Variants in COQ7 observed in about 807,000 individuals in gnomAD.
COQ7 encodes the protein NADPH-dependent 3-demethoxyubiquinone 3-hydroxylase, mitochondrial.
In COQ7, 21 loss-of-function variants were observed where a neutral mutation model predicts 25.0. That is an observed-to-expected ratio of 0.84 (90% CI 0.60 to 1.21). The LOEUF (loss-of-function observed/expected upper bound fraction) is 1.21, where lower values mean the gene tolerates loss of function less well. Among genes scored for constraint, COQ7 ranks in the 50% most tolerant of loss-of-function variants. The pLI is 0.00. For missense variants in COQ7, 311 were observed against 296.2 expected, an observed-to-expected ratio of 1.05 and a Z score of -0.37; for synonymous variants, 125 against 112.4, an observed-to-expected ratio of 1.11 and a Z score of -0.71.
At chr16:19,067,939 CAG>C (rs1316739339) in intron 1 of COQ7, 31 of 1,453,394 alleles carry the variant, frequency 2.1e-5, no homozygotes, top group South Asian at 4.3e-5. Flanking sequence ...GACAGGAGGA[CAG>C]GGGTTGTTTC....
chr16:19,068,626 T>C (rs984728803), intron 1 of COQ7: 39 of 247,842 alleles, frequency 1.6e-4, no homozygotes, highest in Middle Eastern at 3.3e-3. Flanking sequence ...CACTGCAACC[T>C]GGGCGTCAGA....
rs566709197 is a variant in COQ7, at chr16:19,071,797, C to T, written c.74-131C>T. On this transcript the variant is annotated intron_variant, in intron 1 of 5. Coordinates refer to ENST00000321998, the MANE Select transcript of COQ7 (RefSeq NM_016138.5). ...TTAACACTGTAGGTTAAACAGAGTC[C>T]GTTTATGGGCACGCCTGGCCCATGG... The T allele has an allele frequency of 4.6e-5, 42 of 905,484 alleles. No homozygotes were observed. The East Asian group carries it at 7.6e-4, about 16-fold the overall frequency. The allele number at this position is 905,484 out of a possible 1,614,324, so 56.1% of individuals were successfully genotyped here.
rs1167129121 is a variant in COQ7, at chr16:19,067,710, C to T, written c.46C>T (p.Arg16Cys). 2 of 1,606,902 alleles carry T rather than the reference C, an allele frequency of 1.2e-6. No individual in the cohort carries two copies. The highest frequency in any genetic ancestry group is 1.1e-5 in the South Asian group (1 of 90,900). ...GGCGGCTCCCCGCCTTTGGCGGCTG[C>T]GCCCGGGGGCCCGGCGGTCCCTCTC... ...AAAAPRLWRLRPGARRSLSAY... is the reference protein window; with the variant it reads ...AAAAPRLWRLCPGARRSLSAY... The change falls in exon 1 of 6, where the codon CGC (arginine) becomes TGC (cysteine). Residue 16 changes from arginine to cysteine, a missense_variant. Arg to Cys is a radical substitution (Grantham distance 180). Coordinates refer to ENST00000321998, the MANE Select transcript of COQ7 (RefSeq NM_016138.5).
At chr16:19,080,252 ACATTTGACTCTGT>A (rs1438338506), downstream of COQ7, among the ~76,000 whole-genome samples, 3 of 152,218 alleles carry the variant, frequency 2.0e-5, no homozygotes, top group Non-Finnish European at 4.4e-5. Context: ...TGCAAGGATG[ACATTTGACTCTGT>A]CTTGAACAAG....
At chr16:19,068,657 C>T (rs1210778584) in intron 1 of COQ7, 10 of 167,690 alleles carry the variant, frequency 6.0e-5, no homozygotes, top group South Asian at 3.7e-5. Flanking sequence ...GTCTCCCCCG[C>T]GCAAAAAAAA....
At chr16:19,074,661 AG>A (rs1962741590) in intron 3 of COQ7, among the ~76,000 whole-genome samples, 1 of 152,146 alleles carries the variant, frequency 6.6e-6, no homozygotes, top group Non-Finnish European at 1.5e-5. Flanking sequence ...CTCCCACCTA[AG>A]CCTCTGAGCC....
rs376500045 is a variant in COQ7 at position 19,079,144 on chromosome 16, G to A, written c.*986G>A. On this transcript the variant is annotated 3_prime_UTR_variant, in exon 6 of 6. Coordinates refer to ENST00000321998, the MANE Select transcript of COQ7 (RefSeq NM_016138.5). ...TCTCCACAGTGTGAGACTTCAAGGG[G>A]AAGTATGAGACTTCTCTGAGGAAGC... The A allele has an allele frequency of 5.3e-5, 8 of 152,196 alleles. No individual in the cohort carries two copies. In the East Asian group the frequency reaches 1.2e-3, roughly 22 times the overall value. 9.4% of individuals were successfully genotyped at this position (152,196 alleles called of 1,614,324 possible).
At chr16:19,076,656 C>G (rs916564763) in intron 4 of COQ7, among the ~76,000 whole-genome samples, 4 of 136,440 alleles carry the variant, frequency 2.9e-5, no homozygotes, top group Non-Finnish European at 4.5e-5. Flanking sequence ...GTGCAGTGGT[C>G]TCCGCCTGCA....
At chr16:19,070,710 C>T (rs868398021) in intron 1 of COQ7, among the ~76,000 whole-genome samples, 2 of 151,822 alleles carry the variant, frequency 1.3e-5, no homozygotes, top group Non-Finnish European at 2.9e-5. Context: ...AAGATCGCAC[C>T]TCTGTCTCCA....
At position 19,067,679 on chromosome 16, in the gene COQ7, G is replaced by A; in HGVS notation, c.15G>A (p.Gly5=). MSCA[G]AAAAPRLWRL... ...TAGTTCCGGCAATGAGTTGCGCCGG[G>A]GCGGCGGCGGCTCCCCGCCTTTGGC... Residue 5 remains glycine, a synonymous_variant, in exon 1 of 6, where the codon GGG becomes GGA. Coordinates refer to ENST00000321998, the MANE Select transcript of COQ7 (RefSeq NM_016138.5). 1 of 1,608,718 alleles carries A rather than the reference G, an allele frequency of 6.2e-7. No individual in the cohort carries two copies. Among genetic ancestry groups the A allele is most frequent in the African/African-American group, 1.4e-5 (1 of 73,000 alleles).
At position 19,077,309 on chromosome 16, in the gene COQ7, A is replaced by G; in HGVS notation, c.511A>G (p.Ile171Val). ...PEKYEELLQL[I>V]KKFRDEELEH... ...TGGTGTCTTTTTATTTAACCAGCTG[A>G]TAAAGAAATTTCGGGATGAAGAGCT... The change falls in exon 5 of 6, where the codon ATA becomes GTA. Residue 171 changes from isoleucine (I) to valine (V), a missense_variant. Coordinates refer to ENST00000321998, the MANE Select transcript of COQ7 (RefSeq NM_016138.5). The G allele has an allele frequency of 1.2e-6, 2 of 1,614,052 alleles. No individual in the cohort carries two copies. Among genetic ancestry groups the G allele is most frequent in the South Asian group, 2.2e-5 (2 of 91,086 alleles).
At chr16:19,067,860 C>T in intron 1 of COQ7, 123 bp downstream of exon 1, 1 of 1,500,028 alleles carries the variant, frequency 6.7e-7, no homozygotes. Flanking sequence ...TGCGACGGAG[C>T]GCGACTGCGT....
At chr16:19,074,611 G>A (rs1015954107) in intron 3 of COQ7, among the ~76,000 whole-genome samples, 14 of 151,870 alleles carry the variant, frequency 9.2e-5, no homozygotes, top group Admixed American at 8.5e-4. Context: ...TGGTATAGTC[G>A]TAGCTCACTG....
At position 19,074,001 on chromosome 16, in the gene COQ7, G is replaced by A. The variant is rs1596827658; in HGVS notation, c.333G>A (p.Leu111=). 6.2e-7 allele frequency: 1 copy of A among 1,613,678 alleles called. No homozygotes were observed. The highest frequency in any genetic ancestry group is 8.5e-7 in the Non-Finnish European group (1 of 1,179,898). ...MVTFRVRPTV[L]MPLWNVLGFA... is the part of the protein sequence containing the mutation. ...CGTTCAGGGTCCGGCCAACAGTTCT[G>A]ATGCCCTTGTGGAACGTGCTGGGGT... The change falls in exon 3 of 6, where the codon CTG becomes CTA. Residue 111 remains leucine (L), a synonymous_variant. Transcript: ENST00000321998.
intron 5 of COQ7, among the ~76,000 whole-genome samples, chr16:19,077,604 T>TTTTTTTTTTTTTTTTTTTTC (rs1555522742): frequency 2.8e-5 from 4 of 143,614 alleles, no homozygotes; most frequent in South Asian, 2.3e-4. Flanking sequence ...TTTTTTTTTT[T>TTTTTTTTTTTTTTTTTTTTC]CCCAGACACA....
rs369844072 is a variant in COQ7 at position 19,073,983 on chromosome 16, G to T, written c.315G>T (p.Arg105Ser). Residue 105 changes from arginine to serine, a missense_variant, in exon 3 of 6, where the codon AGG becomes AGT. Physicochemically the swap from Arg to Ser is moderately radical, Grantham distance 110 (BLOSUM62 -1). Transcript: ENST00000321998. ...TCAATGAGTTGATGGTTACGTTCAG[G>T]GTCCGGCCAACAGTTCTGATGCCCT... The part of the protein sequence containing the change: ...KKFNELMVTF[R>S]VRPTVLMPLW... 1 of 1,613,772 alleles carries T rather than the reference G, an allele frequency of 6.2e-7. No individual in the cohort carries two copies. Among genetic ancestry groups the T allele is most frequent in the Non-Finnish European group, 8.5e-7 (1 of 1,179,970 alleles).
chr16:19,077,403 T>C (rs767029640), intron 5 of COQ7, 29 bp downstream of exon 5: 1 of 1,594,322 alleles, frequency 6.3e-7, no homozygotes, highest in Non-Finnish European at 8.6e-7. Flanking sequence ...CTGTTCTGCT[T>C]TGGGACTCCT....
At chr16:19,075,687 T>G (rs747442196) in intron 3 of COQ7, 34 bp from the exon 4 acceptor site, 1 of 1,535,364 alleles carries the variant, frequency 6.5e-7, no homozygotes, top group East Asian at 2.3e-5. Flanking sequence ...CATATCTGTC[T>G]CTTACTTTTC....
At chr16:19,077,785 G>C (rs1962936941) in intron 5 of COQ7, among the ~76,000 whole-genome samples, 1 of 151,692 alleles carries the variant, frequency 6.6e-6, no homozygotes, top group Admixed American at 6.6e-5. Context: ...TGGAGACCGA[G>C]TTTTCACTGT....
Sources: allele counts gnomAD v4.1 joint callset (sites outside exome capture counted in the v4.1 genomes callset), GRCh38; gene constraint gnomAD v4.1.1; transcripts MANE v1.5; gene names NCBI Gene and HGNC (gene_info 2026-07-23, HGNC 2026-07-21).